The following ULK4 variants were observed in gnomAD, a reference collection of about 807,000 sequenced individuals.
ULK4 encodes the protein unc-51 like kinase 4.
In ULK4, 133 loss-of-function variants were observed where a neutral mutation model predicts 160.6. The observed-to-expected ratio is 0.83, with a 90% CI of 0.72 to 0.96. ULK4 has a LOEUF of 0.96. ULK4 is among the 40% of genes least tolerant of loss of function. ULK4 has a pLI of 0.00. For synonymous variants in ULK4, 534 were observed against 539.8 expected, an observed-to-expected ratio of 0.99 and a Z score of 0.15; for missense variants, 1,580 against 1,499.5, an observed-to-expected ratio of 1.05 and a Z score of -0.89.
At chr3:41,809,187 A>G (rs1035025493) in intron 19 of ULK4, among the ~76,000 whole-genome samples, 1 of 147,030 alleles carries the variant, frequency 6.8e-6, no homozygotes, top group Non-Finnish European at 1.5e-5. Context: ...AAAAAAAAAA[A>G]CAAAAAAAAA....
In ULK4 at chr3:41,422,378, A is replaced by G. The variant is rs1485678686; in HGVS notation, c.3493-24114T>C. 4.6e-5 allele frequency among the ~76,000 whole-genome samples: 7 copies of G among 152,108 alleles called. No homozygotes were observed. In the East Asian group the frequency reaches 1.3e-3, roughly 29 times the overall value. Reference sequence around the variant, plus strand: ...TTCTTTTCCACCTGCTTGTGGTGAAATTACACCTTGCAGATTCCTATTCCT... The same window carrying G: ...TTCTTTTCCACCTGCTTGTGGTGAAGTTACACCTTGCAGATTCCTATTCCT... On this transcript the variant is annotated intron_variant, in intron 34 of 36. Transcript: ENST00000301831.
chr3:41,902,575 CAAAAAA>C, intron 12 of ULK4, among the ~76,000 whole-genome samples: 1 of 53,274 alleles, frequency 1.9e-5, no homozygotes, highest in Admixed American at 2.2e-4. Context: ...GAGACTCCAC[CAAAAAA>C]AAAAAAGAAA....
At chr3:41,509,787 G>A (rs967682783) in intron 32 of ULK4, among the ~76,000 whole-genome samples, 3 of 152,062 alleles carry the variant, frequency 2.0e-5, no homozygotes, top group Admixed American at 1.3e-4. Flanking sequence ...AGAAAACTCA[G>A]CACTACCAAG....
chr3:41,753,393 A>T (rs141706232), intron 22 of ULK4, among the ~76,000 whole-genome samples: 1 of 152,308 alleles, frequency 6.6e-6, no homozygotes, highest in African/African-American at 2.4e-5. Context: ...TCAGTATTCT[A>T]GAACAAGTAA....
At chr3:41,528,516 G>C (rs1462062403) in intron 32 of ULK4, among the ~76,000 whole-genome samples, 2 of 152,200 alleles carry the variant, frequency 1.3e-5, no homozygotes, top group African/African-American at 2.4e-5. Context: ...GTACCTAGAT[G>C]AGTCAAGTAT....
intron 22 of ULK4, among the ~76,000 whole-genome samples, chr3:41,747,847 G>A (rs2038470025): frequency 6.6e-6 from 1 of 152,018 alleles, no homozygotes; most frequent in African/African-American, 2.4e-5. Context: ...CCTTGATCTT[G>A]GATCTGTAGC....
In ULK4 at chr3:41,438,276, T is replaced by C. The variant is rs559801509; in HGVS notation, c.3492+17221A>G. ...ATAAAGTGTGACATAAATCAGACCATATAACTTTTTTTGTAACCAGATTTT... is the reference window on the plus strand; with the variant it reads ...ATAAAGTGTGACATAAATCAGACCACATAACTTTTTTTGTAACCAGATTTT... On this transcript the variant is annotated intron_variant, in intron 34 of 36. Transcript: ENST00000301831. 3.9e-5 allele frequency among the ~76,000 whole-genome samples: 6 copies of C among 152,190 alleles called. No homozygotes were observed. In the South Asian group the frequency reaches 1.2e-3, roughly 32 times the overall value.
chr3:41,373,689 G>A (rs949554026), intron 35 of ULK4, among the ~76,000 whole-genome samples: 4 of 152,192 alleles, frequency 2.6e-5, no homozygotes, highest in Non-Finnish European at 1.5e-5. Flanking sequence ...AAGCGGGAAA[G>A]ATCTAAAATT....
chr3:41,769,131 A>G (rs1263896172), intron 21 of ULK4, among the ~76,000 whole-genome samples: 1 of 152,212 alleles, frequency 6.6e-6, no homozygotes, highest in Non-Finnish European at 1.5e-5. Context: ...TTTGTAACAC[A>G]ATAACTCTGG....
At chr3:41,612,425 C>T (rs2032729213) in intron 31 of ULK4, among the ~76,000 whole-genome samples, 1 of 152,180 alleles carries the variant, frequency 6.6e-6, no homozygotes, top group Admixed American at 6.5e-5. Flanking sequence ...GTAACAGCTC[C>T]TATAATGCTC....
intron 35 of ULK4, among the ~76,000 whole-genome samples, chr3:41,310,655 T>C (rs925969735): frequency 2.6e-5 from 4 of 151,926 alleles, no homozygotes; most frequent in Admixed American, 6.6e-5. Context: ...ATCAAAAGCA[T>C]AAAAACAGAG....
At chr3:41,855,519 C>T (rs2042315405) in intron 17 of ULK4, among the ~76,000 whole-genome samples, 1 of 152,184 alleles carries the variant, frequency 6.6e-6, no homozygotes. Context: ...AGCCAAGTTA[C>T]TATTGCCCTG....
intron 32 of ULK4, among the ~76,000 whole-genome samples, chr3:41,477,413 A>G (rs1332540414): frequency 6.6e-6 from 1 of 152,156 alleles, no homozygotes; most frequent in African/African-American, 2.4e-5. Flanking sequence ...AAAATACAAC[A>G]CTCTAAATCA....
intron 32 of ULK4, among the ~76,000 whole-genome samples, chr3:41,502,250 T>A (rs1308794848): frequency 6.6e-5 from 10 of 152,252 alleles, no homozygotes; most frequent in African/African-American, 2.4e-4. Flanking sequence ...TAATTCTATT[T>A]TTAAATTGTT....
At chr3:41,349,437 G>A (rs924637243) in intron 35 of ULK4, among the ~76,000 whole-genome samples, 3 of 152,086 alleles carry the variant, frequency 2.0e-5, no homozygotes, top group Non-Finnish European at 1.5e-5. Flanking sequence ...CATTTGACTT[G>A]GAATGACAAA....
intron 30 of ULK4, among the ~76,000 whole-genome samples, chr3:41,641,037 G>A (rs1429071463): frequency 1.3e-5 from 2 of 152,106 alleles, no homozygotes; most frequent in East Asian, 1.9e-4. Flanking sequence ...TCTAATCACT[G>A]CAGTTATAAG....
At chr3:41,843,065 C>T (rs2041974734) in intron 17 of ULK4, among the ~76,000 whole-genome samples, 1 of 152,128 alleles carries the variant, frequency 6.6e-6, no homozygotes, top group African/African-American at 2.4e-5. Flanking sequence ...AAACATAAAA[C>T]TATAAACCTT....
At chr3:41,262,418 G>C (rs1199546394) in intron 35 of ULK4, among the ~76,000 whole-genome samples, 1 of 152,214 alleles carries the variant, frequency 6.6e-6, no homozygotes, top group Admixed American at 6.5e-5. Context: ...GAGGATGATG[G>C]TAAGCTAGCG....
Position 41,417,692 on chromosome 3 carries a change from T to A in ULK4, c.3493-19428A>T, listed in dbSNP as rs564728495. On this transcript the variant is annotated intron_variant, in intron 34 of 36. Transcript: ENST00000301831. The stretch of plus-strand genomic sequence containing the variant: ...AAGAGAAAAGGCAGGTAAGCACACA[T>A]GCAGTCCTTTTAAGAGCTGATACCA... Among the ~76,000 whole-genome samples the A allele has an allele frequency of 2.2e-4, 33 of 152,258 alleles. 1 individual carries two copies. The highest frequency in any genetic ancestry group is 7.5e-4 in the African/African-American group (31 of 41,562).
Sources: allele counts gnomAD v4.1 joint callset (sites outside exome capture counted in the v4.1 genomes callset), GRCh38; gene constraint gnomAD v4.1.1; transcripts MANE v1.5; gene names NCBI Gene and HGNC (gene_info 2026-07-23, HGNC 2026-07-21).